The following TMC1 variants were observed in gnomAD, a reference collection of about 807,000 sequenced individuals.
The protein encoded by TMC1 is transmembrane channel like 1, also known as transmembrane channel-like protein 1.
A neutral mutation model predicts 105.8 loss-of-function variants in TMC1; 84 were observed. That is an observed-to-expected ratio of 0.79 (90% CI 0.67 to 0.95). The LOEUF is 0.95. TMC1 is among the 40% of genes least tolerant of loss of function. TMC1 has a pLI of 0.00. For missense variants in TMC1, 817 were observed against 914.1 expected, an observed-to-expected ratio of 0.89 and a Z score of 1.37; for synonymous variants, 315 against 311.5, an observed-to-expected ratio of 1.01 and a Z score of -0.12.
At chr9:72,735,890 C>T (rs1461886424) in intron 8 of TMC1, among the ~76,000 whole-genome samples, 1 of 152,176 alleles carries the variant, frequency 6.6e-6, no homozygotes, top group Non-Finnish European at 1.5e-5. Context: ...AACCCATCCC[C>T]AACATATCTG....
At chr9:72,811,951 TCC>T (rs1828713155) in intron 18 of TMC1, among the ~76,000 whole-genome samples, 1 of 152,218 alleles carries the variant, frequency 6.6e-6, no homozygotes, top group Non-Finnish European at 1.5e-5. Flanking sequence ...GTATTATTGT[TCC>T]TACTTTACAG....
intron 3 of TMC1, among the ~76,000 whole-genome samples, chr9:72,622,442 T>A (rs529834275): frequency 1.3e-5 from 2 of 152,332 alleles, no homozygotes; most frequent in African/African-American, 4.8e-5. Context: ...GGAGGGCTTG[T>A]CCTCATCCTT....
chr9:72,673,496 T>G (rs1826155783), intron 5 of TMC1, among the ~76,000 whole-genome samples: 1 of 152,116 alleles, frequency 6.6e-6, no homozygotes, highest in African/African-American at 2.4e-5. Flanking sequence ...AACGATTTCC[T>G]TTTTTTCATA....
intron 3 of TMC1, among the ~76,000 whole-genome samples, chr9:72,621,866 A>G (rs931693645): frequency 2.0e-5 from 3 of 152,186 alleles, no homozygotes; most frequent in African/African-American, 7.2e-5. Flanking sequence ...TGTTAATTCT[A>G]CCTCTTGGAA....
At chr9:72,667,546 G>C (rs962607204) in intron 5 of TMC1, among the ~76,000 whole-genome samples, 1 of 152,132 alleles carries the variant, frequency 6.6e-6, no homozygotes, top group Non-Finnish European at 1.5e-5. Flanking sequence ...TGGATATTGG[G>C]ATGTAGTCAC....
chr9:72,767,060 C>G (rs1452144227), intron 12 of TMC1, among the ~76,000 whole-genome samples: 1 of 152,162 alleles, frequency 6.6e-6, no homozygotes, highest in African/African-American at 2.4e-5. Flanking sequence ...GCGTCCTACT[C>G]CATGAAATGT....
chr9:72,612,170 C>G (rs1421693697), intron 2 of TMC1, among the ~76,000 whole-genome samples: 1 of 152,076 alleles, frequency 6.6e-6, no homozygotes, highest in African/African-American at 2.4e-5. Flanking sequence ...CTTTCTTAGG[C>G]CCTTGAAATT....
chr9:72,794,595 A>G (rs1042148103), intron 17 of TMC1, among the ~76,000 whole-genome samples: 16 of 152,216 alleles, frequency 1.1e-4, no homozygotes, highest in Admixed American at 9.8e-4. Context: ...CCTTGGCCCA[A>G]TGAAAACTTC....
chr9:72,594,697 A>G (rs1478884868), intron 2 of TMC1, among the ~76,000 whole-genome samples: 9 of 152,048 alleles, frequency 5.9e-5, no homozygotes, highest in Non-Finnish European at 1.2e-4. Flanking sequence ...ATATTCTATC[A>G]CATCTATTTT....
At chr9:72,669,747 A>G (rs1287020490) in intron 5 of TMC1, among the ~76,000 whole-genome samples, 1 of 152,168 alleles carries the variant, frequency 6.6e-6, no homozygotes, top group African/African-American at 2.4e-5. Context: ...GACCTCTAGA[A>G]TAGTTAGCAC....
At chr9:72,685,267 C>T (rs374974665) in intron 5 of TMC1, among the ~76,000 whole-genome samples, 1 of 151,344 alleles carries the variant, frequency 6.6e-6, no homozygotes, top group African/African-American at 2.4e-5. Context: ...CCACCACACC[C>T]GGATAATTTT....
At chr9:72,629,717 T>C (rs1192651238) in intron 4 of TMC1, among the ~76,000 whole-genome samples, 7 of 152,098 alleles carry the variant, frequency 4.6e-5, no homozygotes, top group African/African-American at 1.7e-4. Context: ...AACTAGAAAA[T>C]AGTGGTTATG....
intron 2 of TMC1, among the ~76,000 whole-genome samples, chr9:72,581,249 G>A (rs1282485842): frequency 6.6e-6 from 1 of 152,136 alleles, no homozygotes; most frequent in African/African-American, 2.4e-5. Context: ...AGGTTGACAA[G>A]GAAAACTTAA....
intron 1 of TMC1, among the ~76,000 whole-genome samples, chr9:72,550,339 G>A (rs1190035685): frequency 2.6e-5 from 4 of 151,870 alleles, no homozygotes; most frequent in Non-Finnish European, 5.9e-5. Context: ...GTGGTCAGGC[G>A]CCTGTAATCC....
At chr9:72,709,020 G>A (rs944575386) in intron 8 of TMC1, among the ~76,000 whole-genome samples, 7 of 151,454 alleles carry the variant, frequency 4.6e-5, no homozygotes, top group Middle Eastern at 3.2e-3. Context: ...CGGGGGGGTG[G>A]GTGTTTAAGA....
In TMC1 at chr9:72,694,671, A is replaced by G. The variant is rs145098032; in HGVS notation, c.193A>G (p.Lys65Glu). 199 of 1,612,318 alleles carry G rather than the reference A, an allele frequency of 1.2e-4. 1 individual carries two copies. In the African/African-American group the frequency reaches 2.5e-3, roughly 20 times the overall value. Residue 65 changes from lysine (K) to glutamate (E), a missense_variant, in exon 7 of 24, where the codon AAG (lysine) becomes GAG (glutamate). By Grantham distance (56) the Lys-to-Glu change is moderately conservative. Transcript: ENST00000297784. ...TGAACCAGAGGATGAAGAAACAAGG[A>G]AGGCAAGAGAAAAAGAGAGGAGGAG... ...EPEPEDEETR[K>E]AREKERRRRL... is the part of the protein sequence containing the mutation.
At position 72,583,968 on chromosome 9, in the gene TMC1, A is replaced by T. The variant is rs116110852; in HGVS notation, c.-306+5945A>T. Reference sequence around the variant, plus strand: ...CAGGTTCCTAGTCTATTTCATTTTGATATATATTTCTTGTGGGTTTACCAC... The same window carrying T: ...CAGGTTCCTAGTCTATTTCATTTTGTTATATATTTCTTGTGGGTTTACCAC... On this transcript the variant is annotated intron_variant, in intron 2 of 23. Transcript: ENST00000297784. Among the ~76,000 whole-genome samples, 657 of 152,312 alleles carry T rather than the reference A, an allele frequency of 4.3e-3. 4 individuals carry two copies. Among genetic ancestry groups the T allele is most frequent in the African/African-American group, 0.014 (589 of 41,570 alleles).
At chr9:72,730,964 G>A (rs1220208255) in intron 8 of TMC1, among the ~76,000 whole-genome samples, 29 of 152,226 alleles carry the variant, frequency 1.9e-4, no homozygotes. Flanking sequence ...GGTAGTGGCT[G>A]TAAATACAGA....
At chr9:72,807,186 G>A (rs1237382376) in intron 18 of TMC1, among the ~76,000 whole-genome samples, 2 of 152,220 alleles carry the variant, frequency 1.3e-5, no homozygotes, top group Non-Finnish European at 2.9e-5. Context: ...AGGTTGCAGT[G>A]AGCCGAGATG....
Sources: allele counts gnomAD v4.1 joint callset (sites outside exome capture counted in the v4.1 genomes callset), GRCh38; gene constraint gnomAD v4.1.1; transcripts MANE v1.5; gene names NCBI Gene and HGNC (gene_info 2026-07-23, HGNC 2026-07-21).